Variants in PLCB4 observed in about 807,000 individuals in gnomAD.
The protein encoded by PLCB4 is phospholipase C beta 4.
In PLCB4, 77 loss-of-function variants were observed where a neutral mutation model predicts 178.8. The observed-to-expected ratio is 0.43, with a 90% CI of 0.36 to 0.52. PLCB4 has a LOEUF of 0.52. Among genes scored for constraint, PLCB4 ranks in the 20% least tolerant of loss-of-function variants. PLCB4 has a pLI of 0.00. For missense variants in PLCB4, 1,024 were observed against 1,453.4 expected, an observed-to-expected ratio of 0.70 and a Z score of 4.80; for synonymous variants, 496 against 490.8, an observed-to-expected ratio of 1.01 and a Z score of -0.14.
chr20:9,323,702 G>A (rs1172187876), intron 4 of PLCB4, among the ~76,000 whole-genome samples: 3 of 152,184 alleles, frequency 2.0e-5, no homozygotes, highest in Admixed American at 1.3e-4. Context: ...TGCCCCAGGA[G>A]TCCCCTCATT....
At chr20:9,221,365 T>C (rs535176049) in intron 3 of PLCB4, among the ~76,000 whole-genome samples, 42 of 152,264 alleles carry the variant, frequency 2.8e-4, no homozygotes, top group Admixed American at 2.4e-3. Context: ...GTGAAGCAGC[T>C]TCGGTGGTTG....
At chr20:9,383,214 A>C (rs1308885714) in intron 13 of PLCB4, among the ~76,000 whole-genome samples, 7 of 152,216 alleles carry the variant, frequency 4.6e-5, no homozygotes, top group African/African-American at 1.4e-4. Flanking sequence ...AAACTAGGAT[A>C]CTAGTTATCT....
At chr20:9,366,624 C>A (rs1405311471) in intron 9 of PLCB4, among the ~76,000 whole-genome samples, 2 of 152,164 alleles carry the variant, frequency 1.3e-5, no homozygotes, top group Non-Finnish European at 2.9e-5. Context: ...GATGGGAATT[C>A]TTTACCAAAC....
chr20:9,223,540 G>A (rs2093825597), intron 3 of PLCB4, among the ~76,000 whole-genome samples: 1 of 152,150 alleles, frequency 6.6e-6, no homozygotes, highest in Non-Finnish European at 1.5e-5. Flanking sequence ...CAGCTGGTAT[G>A]GCTCAGCGTT....
chr20:9,345,868 C>G (rs891869756), intron 7 of PLCB4, among the ~76,000 whole-genome samples: 1 of 152,060 alleles, frequency 6.6e-6, no homozygotes, highest in Admixed American at 6.6e-5. Flanking sequence ...ACAAATTGGG[C>G]TGAAAGTCAA....
intron 2 of PLCB4, among the ~76,000 whole-genome samples, chr20:9,114,759 G>A (rs907042844): frequency 2.0e-5 from 3 of 152,156 alleles, no homozygotes; most frequent in Non-Finnish European, 4.4e-5. Flanking sequence ...ATCATATTAT[G>A]GCACCTGGGG....
chr20:9,245,602 G>C (rs2094116266), intron 3 of PLCB4, among the ~76,000 whole-genome samples: 2 of 152,124 alleles, frequency 1.3e-5, no homozygotes, highest in African/African-American at 4.8e-5. Context: ...GCCAAGGAAT[G>C]CTTCCACCAG....
chr20:9,202,354 CTATTT>C (rs2093557526), intron 2 of PLCB4, among the ~76,000 whole-genome samples: 1 of 152,104 alleles, frequency 6.6e-6, no homozygotes, highest in African/African-American at 2.4e-5. Context: ...ATGAGAGAGT[CTATTT>C]TATTGCATGT....
In PLCB4 at chr20:9,441,907, C is replaced by T. The variant is rs147403772; in HGVS notation, c.2765-2074C>T. 2.5e-3 allele frequency among the ~76,000 whole-genome samples: 277 copies of T among 111,782 alleles called. 2 individuals carry two copies. Among genetic ancestry groups the T allele is most frequent in the Non-Finnish European group, 3.4e-3 (169 of 49,802 alleles). 73.3% of individuals were successfully genotyped at this position (111,782 alleles called of 152,430 possible). ...CCAAACAGCAACAACTGCACCAACA[C>T]GACTTTTTTTTTTTTTTCTGATTTT... On this transcript the variant is annotated intron_variant, in intron 30 of 39. Transcript: ENST00000378473.
At chr20:9,439,278 C>G (rs927953535) in intron 30 of PLCB4, among the ~76,000 whole-genome samples, 3 of 152,184 alleles carry the variant, frequency 2.0e-5, no homozygotes, top group Non-Finnish European at 4.4e-5. Context: ...ATGCACACAT[C>G]TGTCATTTGG....
At chr20:9,278,610 A>G (rs1242905410) in intron 3 of PLCB4, among the ~76,000 whole-genome samples, 1 of 152,046 alleles carries the variant, frequency 6.6e-6, no homozygotes, top group Non-Finnish European at 1.5e-5. Context: ...GGCCCTATGC[A>G]TGGGTTTCAT....
At chr20:9,163,065 C>G (rs1464143047) in intron 2 of PLCB4, among the ~76,000 whole-genome samples, 1 of 152,000 alleles carries the variant, frequency 6.6e-6, no homozygotes, top group African/African-American at 2.4e-5. Flanking sequence ...CTTTTGCAGG[C>G]CTTGGAAGCT....
intron 1 of PLCB4, among the ~76,000 whole-genome samples, chr20:9,083,041 TTAATTA>T (rs1280294425): frequency 6.6e-6 from 1 of 152,168 alleles, no homozygotes; most frequent in Non-Finnish European, 1.5e-5. Context: ...AATCCACTCC[TTAATTA>T]AGAGCAGCAG....
intron 35 of PLCB4, among the ~76,000 whole-genome samples, chr20:9,461,204 A>G (rs1021035813): frequency 1.3e-5 from 2 of 152,246 alleles, no homozygotes; most frequent in African/African-American, 4.8e-5. Context: ...AAAATATACT[A>G]ATTCTTGAAT....
intron 30 of PLCB4, among the ~76,000 whole-genome samples, chr20:9,442,840 C>G (rs747806925): frequency 3.3e-5 from 5 of 152,188 alleles, no homozygotes; most frequent in Non-Finnish European, 5.9e-5. Context: ...CCAAAACTTT[C>G]CTTCTGCGGC....
intron 30 of PLCB4, among the ~76,000 whole-genome samples, chr20:9,439,460 GAGAA>G (rs1226939351): frequency 6.6e-6 from 1 of 152,174 alleles, no homozygotes; most frequent in East Asian, 1.9e-4. Flanking sequence ...TTGATTAGAG[GAGAA>G]AGAAATAGTG....
intron 3 of PLCB4, among the ~76,000 whole-genome samples, chr20:9,274,656 A>G (rs966971035): frequency 1.3e-5 from 2 of 152,094 alleles, no homozygotes; most frequent in Non-Finnish European, 2.9e-5. Flanking sequence ...TACGAAAACC[A>G]TGCCTTGTGC....
In PLCB4 at chr20:9,450,658, C is replaced by CTTTTTT. The variant is rs60982044; in HGVS notation, c.2881-2674_2881-2669dup. ...ACTCAGTTTTCTTTTCTTTTCTTTT[C>CTTTTTT]TTTTTTTTTTTTTTTTTTTTGAGAT... is the stretch of plus-strand genomic sequence containing the variant. On this transcript the variant is annotated intron_variant, in intron 32 of 39. Transcript: ENST00000378473. 8.2e-3 allele frequency among the ~76,000 whole-genome samples: 820 copies of CTTTTTT among 100,158 alleles called. 1 individual carries two copies. The highest frequency in any genetic ancestry group is 0.011 in the Non-Finnish European group (534 of 48,634). The allele number at this position is 100,158 out of a possible 152,430, so 65.7% of individuals were successfully genotyped here.
chr20:9,242,611 A>G (rs1341121547), intron 3 of PLCB4, among the ~76,000 whole-genome samples: 1 of 152,240 alleles, frequency 6.6e-6, no homozygotes, highest in African/African-American at 2.4e-5. Flanking sequence ...TCCAATGGAC[A>G]CAGATGAGAC....
Sources: allele counts gnomAD v4.1 joint callset (sites outside exome capture counted in the v4.1 genomes callset), GRCh38; gene constraint gnomAD v4.1.1; transcripts MANE v1.5; gene names NCBI Gene and HGNC (gene_info 2026-07-23, HGNC 2026-07-21).